CSMD1: variants seen among roughly 807,000 people sequenced by gnomAD.
CSMD1 encodes CUB and Sushi multiple domains 1.
Under a neutral mutation model 417.5 loss-of-function variants are expected in CSMD1, and 213 were observed. The ratio of observed to expected loss-of-function variants is 0.51; its 90% CI spans 0.46 to 0.57. The LOEUF (loss-of-function observed/expected upper bound fraction) is 0.57, where lower values mean the gene tolerates loss of function less well. CSMD1 is among the 20% of genes least tolerant of loss of function. CSMD1 has a pLI of 0.00. For synonymous variants in CSMD1, 2,862 were observed against 1,736.8 expected, an observed-to-expected ratio of 1.65 and a Z score of -16.11; for missense variants, 6,923 against 4,529.7, an observed-to-expected ratio of 1.53 and a Z score of -15.17.
intron 26 of CSMD1, among the ~76,000 whole-genome samples, chr8:3,271,654 T>A (rs1292013134): frequency 6.6e-6 from 1 of 152,234 alleles, no homozygotes; most frequent in Non-Finnish European, 1.5e-5. Context: ...CATTGTGGTT[T>A]TCAATTTGCA....
At chr8:4,657,576 A>G (rs2617029) in intron 1 of CSMD1, among the ~76,000 whole-genome samples, 85,356 of 151,934 alleles carry the variant, frequency 0.56, 24,337 homozygotes, top group Admixed American at 0.67. Flanking sequence ...ATTTAATTCA[A>G]TAACTACAGC....
intron 5 of CSMD1, among the ~76,000 whole-genome samples, chr8:3,939,403 C>G (rs957436174): frequency 1.3e-5 from 2 of 152,114 alleles, no homozygotes; most frequent in Non-Finnish European, 2.9e-5. Flanking sequence ...CACTTTTACA[C>G]TACTGGTGTG....
At chr8:4,540,425 G>A (rs558827341) in intron 2 of CSMD1, among the ~76,000 whole-genome samples, 3 of 152,220 alleles carry the variant, frequency 2.0e-5, no homozygotes, top group African/African-American at 7.2e-5. Context: ...ACCTCAGGCC[G>A]GGTGCAGTGG....
chr8:4,270,867 C>T (rs1238296437), intron 3 of CSMD1, among the ~76,000 whole-genome samples: 2 of 152,148 alleles, frequency 1.3e-5, no homozygotes, highest in Admixed American at 6.6e-5. Flanking sequence ...CTTGAAATCC[C>T]CCTCTGAGGA....
intron 52 of CSMD1, among the ~76,000 whole-genome samples, chr8:3,013,045 T>G (rs1429700931): frequency 6.6e-6 from 1 of 152,190 alleles, no homozygotes; most frequent in Non-Finnish European, 1.5e-5. Flanking sequence ...ACCATGATTG[T>G]GAAGCCTCCC....
Position 4,178,881 on chromosome 8 carries a change from G to C in CSMD1, c.416-146782C>G, listed in dbSNP as rs563185572. ...AATCCAACTTACAAGGGATGAGAAG[G>C]ACCTCTTCAAGGAGAACTACAAACC... is the stretch of plus-strand genomic sequence containing the variant. On this transcript the variant is annotated intron_variant, in intron 3 of 69. Coordinates refer to ENST00000635120, the MANE Select transcript of CSMD1 (RefSeq NM_033225.6). Among the ~76,000 whole-genome samples the C allele has an allele frequency of 4.3e-4, 66 of 152,204 alleles. No individual in the cohort carries two copies. In the South Asian group the frequency reaches 1.0e-2, roughly 23 times the overall value.
intron 3 of CSMD1, among the ~76,000 whole-genome samples, chr8:4,145,661 T>C (rs568915364): frequency 6.6e-6 from 1 of 151,026 alleles, no homozygotes; most frequent in South Asian, 2.1e-4. Flanking sequence ...AGTGCTGGGA[T>C]TACAGCCTCA....
chr8:3,073,462 T>A (rs1813446622), intron 49 of CSMD1, among the ~76,000 whole-genome samples: 1 of 152,186 alleles, frequency 6.6e-6, no homozygotes, highest in Admixed American at 6.5e-5. Context: ...TCAACACAGA[T>A]TCACTCTAGA....
intron 5 of CSMD1, among the ~76,000 whole-genome samples, chr8:3,765,868 C>G (rs1162996603): frequency 6.6e-6 from 1 of 152,152 alleles, no homozygotes; most frequent in Non-Finnish European, 1.5e-5. Context: ...AGGAGGATGA[C>G]AGCACTTGTG....
chr8:3,056,292 G>C (rs916877872), intron 49 of CSMD1, among the ~76,000 whole-genome samples: 12 of 152,166 alleles, frequency 7.9e-5, no homozygotes, highest in Non-Finnish European at 1.8e-4. Flanking sequence ...CCCCACATGG[G>C]ATTTCTTCTT....
intron 25 of CSMD1, among the ~76,000 whole-genome samples, chr8:3,285,055 C>G (rs1803044207): frequency 6.6e-6 from 1 of 152,028 alleles, no homozygotes; most frequent in Non-Finnish European, 1.5e-5. Flanking sequence ...CTATTTAGGG[C>G]CATTGAAGCA....
intron 1 of CSMD1, among the ~76,000 whole-genome samples, chr8:4,952,081 T>C (rs1808790234): frequency 6.6e-6 from 1 of 151,746 alleles, no homozygotes; most frequent in South Asian, 2.1e-4. Context: ...AATATGCTGC[T>C]ATATTAATGC....
intron 2 of CSMD1, among the ~76,000 whole-genome samples, chr8:4,446,454 G>A (rs972657838): frequency 1.3e-5 from 2 of 152,056 alleles, no homozygotes; most frequent in African/African-American, 4.8e-5. Flanking sequence ...TGGCTGAGGT[G>A]GGACGATCAC....
intron 3 of CSMD1, among the ~76,000 whole-genome samples, chr8:4,107,416 T>C (rs1801624335): frequency 6.6e-6 from 1 of 152,202 alleles, no homozygotes; most frequent in Admixed American, 6.5e-5. Flanking sequence ...GCAGAAAATG[T>C]CTTGATACAC....
chr8:2,967,988 C>G (rs954753923), intron 57 of CSMD1, among the ~76,000 whole-genome samples: 1 of 152,206 alleles, frequency 6.6e-6, no homozygotes, highest in South Asian at 2.1e-4. Context: ...CAGCCCTCTT[C>G]TCTGATGGTT....
intron 11 of CSMD1, 63 bp from the exon 12 acceptor site, chr8:3,468,887 A>G: frequency 9.1e-7 from 1 of 1,098,014 alleles, no homozygotes; most frequent in African/African-American, 1.6e-5. Flanking sequence ...CTTCCACCTG[A>G]AAGGAGGGTC....
chr8:3,294,699 C>G (rs1007027136), intron 25 of CSMD1, among the ~76,000 whole-genome samples: 2 of 152,074 alleles, frequency 1.3e-5, no homozygotes, highest in Non-Finnish European at 2.9e-5. Flanking sequence ...TGGGAGTGAC[C>G]CGATTTTCCA....
Position 3,269,007 on chromosome 8 carries a change from T to G in CSMD1, c.4153+15137A>C, listed in dbSNP as rs866586597. On this transcript the variant is annotated intron_variant, in intron 26 of 69. Coordinates refer to ENST00000635120, the MANE Select transcript of CSMD1 (RefSeq NM_033225.6). Reference sequence around the variant, plus strand: ...CTCAAGAATAGGAGAAGTGCCATTTTACATGTCTTGATTCTCTCCTTCGAT... The same window carrying G: ...CTCAAGAATAGGAGAAGTGCCATTTGACATGTCTTGATTCTCTCCTTCGAT... 5.9e-5 allele frequency among the ~76,000 whole-genome samples: 9 copies of G among 152,244 alleles called. No homozygotes were observed. In the South Asian group the frequency reaches 1.4e-3, roughly 25 times the overall value.
At chr8:4,095,475 T>A (rs1389563548) in intron 3 of CSMD1, among the ~76,000 whole-genome samples, 1 of 152,226 alleles carries the variant, frequency 6.6e-6, no homozygotes, top group African/African-American at 2.4e-5. Context: ...ATTTTTGTGT[T>A]GTTTTTCCTA....
Sources: allele counts gnomAD v4.1 joint callset (sites outside exome capture counted in the v4.1 genomes callset), GRCh38; gene constraint gnomAD v4.1.1; transcripts MANE v1.5; gene names NCBI Gene and HGNC (gene_info 2026-07-23, HGNC 2026-07-21).